Variants in KDM2A observed in about 807,000 individuals in gnomAD.
KDM2A encodes lysine demethylase 2A, also known as lysine-specific demethylase 2A.
KDM2A carries 3 observed loss-of-function variants against 137.3 expected under a neutral mutation model. That is an observed-to-expected ratio of 0.02 (90% CI 0.01 to 0.06). KDM2A has a LOEUF of 0.06. Ranked by LOEUF, KDM2A falls within the 10% of genes least tolerant of loss-of-function variation. KDM2A has a pLI of 1.00. For synonymous variants in KDM2A, 512 were observed against 541.5 expected (o/e 0.95, Z 0.76); for missense variants, 738 against 1,510.6 (o/e 0.49, Z 8.48).
intron 18 of KDM2A, among the ~76,000 whole-genome samples, chr11:67,253,205 C>G (rs977858924): frequency 1.3e-5 from 2 of 152,180 alleles, no homozygotes; most frequent in African/African-American, 4.8e-5. Context: ...GCATTTTGAG[C>G]TCTTAGAAAG....
At chr11:67,169,661 C>T (rs1350874013) in intron 2 of KDM2A, among the ~76,000 whole-genome samples, 2 of 151,662 alleles carry the variant, frequency 1.3e-5, no homozygotes, top group African/African-American at 4.8e-5. Flanking sequence ...TAGGCATGAG[C>T]CACTGCGCTC....
chr11:67,136,806 T>TG (rs1477958902), intron 2 of KDM2A, among the ~76,000 whole-genome samples: 1 of 152,178 alleles, frequency 6.6e-6, no homozygotes, highest in Non-Finnish European at 1.5e-5. Context: ...TAGGGCGCTC[T>TG]GGCTTACAGT....
At chr11:67,133,019 A>G (rs935488223) in intron 2 of KDM2A, among the ~76,000 whole-genome samples, 5 of 152,250 alleles carry the variant, frequency 3.3e-5, no homozygotes, top group Admixed American at 6.5e-5. Flanking sequence ...GCATGTTATG[A>G]TAGAGAAGAG....
intron 11 of KDM2A, among the ~76,000 whole-genome samples, chr11:67,228,937 C>CCAGTCTTAAAT (rs1858629394): frequency 1.3e-5 from 2 of 152,152 alleles, no homozygotes; most frequent in Admixed American, 6.5e-5. Flanking sequence ...GTTGCCCAGG[C>CCAGTCTTAAAT]CGGTCTTAAA....
chr11:67,133,335 C>A (rs1855896196), intron 2 of KDM2A, among the ~76,000 whole-genome samples: 1 of 152,124 alleles, frequency 6.6e-6, no homozygotes, highest in African/African-American at 2.4e-5. Context: ...CTCCTGACCT[C>A]AAGTGATCCA....
intron 2 of KDM2A, among the ~76,000 whole-genome samples, chr11:67,153,844 CAACT>C (rs371331006): frequency 9.2e-5 from 14 of 151,624 alleles, no homozygotes; most frequent in South Asian, 2.1e-4. Flanking sequence ...CAAAAACAAC[CAACT>C]GTGTATATCT....
At chr11:67,138,547 G>T (rs1856021534) in intron 2 of KDM2A, among the ~76,000 whole-genome samples, 1 of 152,180 alleles carries the variant, frequency 6.6e-6, no homozygotes. Context: ...TTGGGAGGCT[G>T]AGGTGGGCAG....
Position 67,142,312 on chromosome 11 carries a change from C to T in KDM2A, c.42+20954C>T, listed in dbSNP as rs544959084. ...TTGGCCTCCCAAAGTGCTGGGATTACAGGCATGAGCCACCGCGCCCACTGT... is the reference window on the plus strand; with the variant it reads ...TTGGCCTCCCAAAGTGCTGGGATTATAGGCATGAGCCACCGCGCCCACTGT... On this transcript the variant is annotated intron_variant, in intron 2 of 20. Coordinates refer to ENST00000529006, the MANE Select transcript of KDM2A (RefSeq NM_012308.3). Among the ~76,000 whole-genome samples the T allele has an allele frequency of 3.3e-3, 497 of 148,694 alleles. 4 individuals carry two copies. Among genetic ancestry groups the T allele is most frequent in the Non-Finnish European group, 5.1e-3 (346 of 67,256 alleles).
rs761076123 is a variant in KDM2A at position 67,250,646 on chromosome 11, G to T, written c.2616G>T (p.Glu872Asp). 1.9e-6 allele frequency: 3 copies of T among 1,609,166 alleles called. No individual in the cohort carries two copies. Among genetic ancestry groups the T allele is most frequent in the African/African-American group, 1.3e-5 (1 of 75,000 alleles). ...EEEEEDDSAEEGGAARLNGRG... is the reference protein window; with the variant it reads ...EEEEEDDSAEDGGAARLNGRG... Reference sequence around the variant, plus strand: ...AGGAGGAAGATGACAGTGCAGAGGAGGGGGGTGCAGCCAGGCTGAATGGCC... The same window carrying T: ...AGGAGGAAGATGACAGTGCAGAGGATGGGGGTGCAGCCAGGCTGAATGGCC... The change falls in exon 17 of 21, where the codon GAG (glutamate) becomes GAT (aspartate). Residue 872 changes from glutamate (E) to aspartate (D), a missense_variant. Glu to Asp is a conservative substitution (Grantham distance 45). Around this residue, in one of 9 missense-constraint regions of KDM2A, gnomAD observed 244 missense variants for 324.6 expected, o/e 0.75. Coordinates refer to ENST00000529006, the MANE Select transcript of KDM2A (RefSeq NM_012308.3). The surrounding 1 kb of genome is among the most constrained non-coding windows in gnomAD (Gnocchi z 7.1).
intron 2 of KDM2A, among the ~76,000 whole-genome samples, chr11:67,146,417 A>G (rs1856249001): frequency 6.6e-6 from 1 of 152,164 alleles, no homozygotes; most frequent in Non-Finnish European, 1.5e-5. Flanking sequence ...GAGCATTGAC[A>G]GTGTTTGGCA....
chr11:67,137,427 A>G (rs1333670031), intron 2 of KDM2A, among the ~76,000 whole-genome samples: 1 of 152,150 alleles, frequency 6.6e-6, no homozygotes, highest in African/African-American at 2.4e-5. Flanking sequence ...ATGATGTGGT[A>G]TGGTTGAGTG....
In KDM2A at chr11:67,257,586, A is replaced by T. The variant is rs2136476468; in HGVS notation, c.*2531A>T. ...GAAAAACCACAAAGGAAAGGAAGAA[A>T]ATTTATATATATATAATATAAAATC... On this transcript the variant is annotated 3_prime_UTR_variant, in exon 21 of 21. Coordinates refer to ENST00000529006, the MANE Select transcript of KDM2A (RefSeq NM_012308.3). 1 of 152,516 alleles carries T rather than the reference A, an allele frequency of 6.6e-6. No homozygotes were observed. The highest frequency in any genetic ancestry group is 2.1e-4 in the South Asian group (1 of 4,832). 9.4% of individuals were successfully genotyped at this position (152,516 alleles called of 1,614,324 possible). A position where few individuals can be genotyped will look rare whatever the true frequency, so the allele number is the denominator to read the frequency against.
At chr11:67,200,217 G>T (rs186128043) in intron 5 of KDM2A, among the ~76,000 whole-genome samples, 4,867 of 147,576 alleles carry the variant, frequency 0.033, 120 homozygotes, top group Non-Finnish European at 0.054. Flanking sequence ...TGTTTGTGTG[G>T]TTTTTTTTTT....
intron 6 of KDM2A, among the ~76,000 whole-genome samples, chr11:67,210,137 G>A (rs149818247): frequency 7.1e-4 from 108 of 152,184 alleles, no homozygotes; most frequent in African/African-American, 2.4e-3. Flanking sequence ...GAGGCCGAAG[G>A]CAGACAGATT....
Position 67,245,952 on chromosome 11 carries a change from G to T in KDM2A, c.1834-33G>T, listed in dbSNP as rs1425600487. 6.2e-7 allele frequency: 1 copy of T among 1,611,860 alleles called. No individual in the cohort carries two copies. Among genetic ancestry groups the T allele is most frequent in the East Asian group, 2.2e-5 (1 of 44,816 alleles). On this transcript the variant is annotated intron_variant, in intron 14 of 20. Coordinates refer to ENST00000529006, the MANE Select transcript of KDM2A (RefSeq NM_012308.3). This position sits in a 1 kb window ranked among gnomAD's most constrained non-coding sequence, Gnocchi z 4.1. ...ACTGAAATGATAAAGATCTGAGTCA[G>T]TTCTCTTGGATTCTATCTTTGTCCT...
At chr11:67,181,708 C>T (rs1590755075) in intron 4 of KDM2A, 138 bp from the exon 5 acceptor site, 1 of 674,142 alleles carries the variant, frequency 1.5e-6, no homozygotes, top group South Asian at 1.9e-5. Context: ...ATATAATCAC[C>T]TATATTTTTA....
intron 15 of KDM2A, among the ~76,000 whole-genome samples, chr11:67,246,567 T>C (rs1394902871): frequency 6.6e-6 from 1 of 151,678 alleles, no homozygotes; most frequent in African/African-American, 2.4e-5. Flanking sequence ...CAGAGCTAAA[T>C]AGCTTTAAAA....
chr11:67,203,494 AT>A (rs1007890539), intron 5 of KDM2A, among the ~76,000 whole-genome samples: 97 of 147,330 alleles, frequency 6.6e-4, no homozygotes, highest in Non-Finnish European at 1.0e-3. Context: ...ATATTAATAT[AT>A]TTTTATATAA....
intron 13 of KDM2A, 109 bp downstream of exon 13, chr11:67,243,201 T>C: frequency 1.3e-6 from 1 of 744,200 alleles, no homozygotes; most frequent in East Asian, 2.6e-5. Flanking sequence ...TTTTGGTGCA[T>C]TAATACAAAC....
Sources: gnomAD v4.1 joint callset for allele counts (sites outside exome capture counted in the v4.1 genomes callset) on GRCh38, gnomAD v4.1.1 for gene constraint, gnomAD v4.1.1 regional missense constraint, Gnocchi (gnomAD v3.1) non-coding constraint, MANE v1.5 for transcripts, NCBI Gene and HGNC (gene_info 2026-07-23, HGNC 2026-07-21) for gene names.